The following NDUFA9 variants were observed in gnomAD, a reference collection of about 807,000 sequenced individuals.
NDUFA9 encodes NADH dehydrogenase [ubiquinone] 1 alpha subcomplex subunit 9, mitochondrial.
A neutral mutation model predicts 45.9 loss-of-function variants in NDUFA9; 23 were observed. The observed-to-expected ratio is 0.50, with a 90% CI of 0.36 to 0.71. The LOEUF is 0.71. Ranked by LOEUF, NDUFA9 falls within the 30% of genes least tolerant of loss-of-function variation. NDUFA9 has a pLI of 0.00. For missense variants in NDUFA9, 466 were observed against 488.2 expected (o/e 0.95, Z 0.43); for synonymous variants, 176 against 170.5 (o/e 1.03, Z -0.25).
rs780981550 is a variant in NDUFA9, at chr12:4,685,151, G to A, written c.897-108G>A. ...TTATTTTCTTAAAAAAAAAAAATCA[G>A]TTCAGACTGCTCTACAGCGGTCTGT... On this transcript the variant is annotated intron_variant, in intron 9 of 10. Coordinates refer to ENST00000266544, the MANE Select transcript of NDUFA9 (RefSeq NM_005002.5). 23 of 970,080 alleles carry A rather than the reference G, an allele frequency of 2.4e-5. No homozygotes were observed. The African/African-American group carries it at 3.5e-4, about 15-fold the overall frequency. 60.1% of individuals were successfully genotyped at this position (970,080 alleles called of 1,614,324 possible). A position where few individuals can be genotyped will look rare whatever the true frequency, so the allele number is the denominator to read the frequency against.
At chr12:4,672,095 GC>G (rs762265764) in intron 8 of NDUFA9, among the ~76,000 whole-genome samples, 3 of 152,288 alleles carry the variant, frequency 2.0e-5, no homozygotes, top group Admixed American at 6.5e-5. Flanking sequence ...AGGAGGGTGA[GC>G]CAAAACAGGG....
Position 4,654,839 on chromosome 12 carries a change from C to A in NDUFA9, c.235C>A (p.Gln79Lys). Residue 79 changes from glutamine to lysine, a missense_variant, in exon 3 of 11, where the codon CAG becomes AAG. Physicochemically the swap from Gln to Lys is moderately conservative, Grantham distance 53 (BLOSUM62 1). Transcript: ENST00000266544. ...TTCTCTTTTAGGACGCATGGGGTCA[C>A]AGGTAATCATACCCTATCGGTGTGA... ...VVNHLGRMGS[Q>K]VIIPYRCDKY... 2 of 1,612,986 alleles carry A rather than the reference C, an allele frequency of 1.2e-6. No individual in the cohort carries two copies. The highest frequency in any genetic ancestry group is 1.7e-6 in the Non-Finnish European group (2 of 1,179,496).
chr12:4,655,736 C>A (rs1269320282), intron 3 of NDUFA9: 1 of 152,120 alleles, frequency 6.6e-6, no homozygotes, highest in African/African-American at 2.4e-5. Flanking sequence ...TCTACAGGTT[C>A]TTTAGGGCAG....
chr12:4,679,560 G>A (rs1847248478), intron 8 of NDUFA9, among the ~76,000 whole-genome samples: 1 of 152,164 alleles, frequency 6.6e-6, no homozygotes, highest in Non-Finnish European at 1.5e-5. Flanking sequence ...GAGGAAGTTG[G>A]CAACTATATT....
intron 8 of NDUFA9, among the ~76,000 whole-genome samples, chr12:4,677,851 C>T (rs1033158317): frequency 7.2e-5 from 11 of 152,150 alleles, no homozygotes; most frequent in African/African-American, 1.2e-4. Context: ...ATGTTTATTA[C>T]GGCACTGTTC....
rs1945799461 is a variant in NDUFA9 at position 4,657,768 on chromosome 12, A to G, written c.339A>G (p.Lys113=). The G allele has an allele frequency of 1.2e-6, 2 of 1,613,398 alleles. No individual in the cohort carries two copies. Among genetic ancestry groups the G allele is most frequent in the Admixed American group, 1.7e-5 (1 of 60,000 alleles). ...LLFLEWDARD[K]DSIRRVVQHS... ...TATAGGAATGGGACGCGAGAGATAA[A>G]GATTCTATCCGACGAGTAGTACAAC... The change falls in exon 4 of 11, where the codon AAA becomes AAG. Residue 113 remains lysine (K), a synonymous_variant. Transcript: ENST00000266544.
At chr12:4,681,344 A>G (rs923271949) in intron 8 of NDUFA9, among the ~76,000 whole-genome samples, 4 of 151,900 alleles carry the variant, frequency 2.6e-5, no homozygotes, top group Non-Finnish European at 5.9e-5. Flanking sequence ...TTCCAACAAT[A>G]TCACTAAAAT....
intron 7 of NDUFA9, among the ~76,000 whole-genome samples, chr12:4,669,193 C>T (rs1251741669): frequency 2.0e-5 from 3 of 152,228 alleles, no homozygotes; most frequent in Non-Finnish European, 4.4e-5. Flanking sequence ...CACTAGACGC[C>T]AGTCACACCA....
At chr12:4,684,014 G>A (rs1020460249) in intron 9 of NDUFA9, among the ~76,000 whole-genome samples, 1 of 152,200 alleles carries the variant, frequency 6.6e-6, no homozygotes, top group Non-Finnish European at 1.5e-5. Context: ...CACTTTCATG[G>A]TTGTATATAA....
chr12:4,662,714 T>C (rs1368669129), intron 6 of NDUFA9, 79 bp downstream of exon 6: 3 of 1,109,412 alleles, frequency 2.7e-6, no homozygotes, highest in Non-Finnish European at 4.1e-6. Context: ...CAGTTTTCTC[T>C]GATTGACAGA....
chr12:4,662,030 A>G (rs1428412750), intron 5 of NDUFA9, among the ~76,000 whole-genome samples: 3 of 152,220 alleles, frequency 2.0e-5, no homozygotes, highest in Admixed American at 6.5e-5. Flanking sequence ...TCATCGAACA[A>G]GAAGACTTGC....
Position 4,668,535 on chromosome 12 carries a change from G to C in NDUFA9, c.723+11G>C. The C allele has an allele frequency of 6.2e-7, 1 of 1,601,144 alleles. No individual in the cohort carries two copies. Among genetic ancestry groups the C allele is most frequent in the Non-Finnish European group, 8.6e-7 (1 of 1,168,290 alleles). ...AAACAACCAGTATATGTAAGTACTT[G>C]GATGAAGGGGGTCAGAAAGGGATTT... On this transcript the variant is annotated intron_variant, in intron 7 of 10. Coordinates refer to ENST00000266544, the MANE Select transcript of NDUFA9 (RefSeq NM_005002.5).
chr12:4,654,749 A>C, intron 2 of NDUFA9, 76 bp from the exon 3 acceptor site: 1 of 1,203,232 alleles, frequency 8.3e-7, no homozygotes, highest in Non-Finnish European at 1.2e-6. Context: ...GAATTTAAAT[A>C]TTTACCAAGT....
In NDUFA9 at chr12:4,688,573, T is replaced by C. The variant is rs572521411; in HGVS notation, c.*1465T>C. The C allele has an allele frequency of 1.1e-4, 16 of 152,204 alleles. No homozygotes were observed. Among genetic ancestry groups the C allele is most frequent in the South Asian group, 4.2e-4 (2 of 4,808 alleles). The allele number at this position is 152,204 out of a possible 1,614,324, so 9.4% of individuals were successfully genotyped here. On this transcript the variant is annotated 3_prime_UTR_variant, in exon 11 of 11. Transcript: ENST00000266544. ...CATTTTAGCAAGGTCTCCAGGAGAT[T>C]TGTATGCACATTACAGTATGAGAAG...
At chr12:4,649,800 G>C (rs1446241487) in intron 1 of NDUFA9, among the ~76,000 whole-genome samples, 1 of 152,178 alleles carries the variant, frequency 6.6e-6, no homozygotes, top group African/African-American at 2.4e-5. Context: ...TGGTGGAAAG[G>C]AAAGTGAAGA....
At chr12:4,666,228 TG>T (rs1482574603) in intron 6 of NDUFA9, among the ~76,000 whole-genome samples, 1 of 152,240 alleles carries the variant, frequency 6.6e-6, no homozygotes, top group African/African-American at 2.4e-5. Context: ...TTTTTAAAAT[TG>T]GGTTGTTTAT....
At chr12:4,651,076 T>C (rs1337784163) in intron 1 of NDUFA9, among the ~76,000 whole-genome samples, 1 of 152,198 alleles carries the variant, frequency 6.6e-6, no homozygotes, top group Admixed American at 6.5e-5. Context: ...CCACACACTA[T>C]TCTAAGTAAT....
At chr12:4,650,214 G>A (rs2159352) in intron 1 of NDUFA9, among the ~76,000 whole-genome samples, 72,536 of 151,874 alleles carry the variant, frequency 0.48, 18,249 homozygotes, top group Admixed American at 0.55. Flanking sequence ...TCAGCCTGAG[G>A]CAAGAATTAG....
intron 9 of NDUFA9, among the ~76,000 whole-genome samples, chr12:4,683,279 A>T (rs1352055578): frequency 2.6e-5 from 4 of 152,110 alleles, no homozygotes; most frequent in Admixed American, 2.6e-4. Flanking sequence ...TCCTGATTTG[A>T]ACCAAATAAA....
Sources: allele counts gnomAD v4.1 joint callset (sites outside exome capture counted in the v4.1 genomes callset), GRCh38; gene constraint gnomAD v4.1.1; transcripts MANE v1.5; gene names NCBI Gene and HGNC (gene_info 2026-07-23, HGNC 2026-07-21).